The following LEKR1 variants were observed in gnomAD, a reference collection of about 807,000 sequenced individuals.
LEKR1 encodes protein LEKR1.
LEKR1 carries 59 observed loss-of-function variants against 72.4 expected under a neutral mutation model. The ratio of observed to expected loss-of-function variants is 0.82; its 90% CI spans 0.66 to 1.01. The LOEUF (loss-of-function observed/expected upper bound fraction) is 1.01. LEKR1 is among the 50% of genes least tolerant of loss of function. The pLI is 0.00. For synonymous variants in LEKR1, 257 were observed against 263.2 expected (o/e 0.98, Z 0.23); for missense variants, 728 against 759.2 (o/e 0.96, Z 0.48).
intron 2 of LEKR1, among the ~76,000 whole-genome samples, chr3:156,842,528 A>T (rs1028520426): frequency 2.6e-5 from 4 of 152,088 alleles, no homozygotes; most frequent in African/African-American, 9.7e-5. Flanking sequence ...TATTTTTGCT[A>T]TGTGATATGG....
chr3:156,827,925 G>A (rs1025561811), intron 1 of LEKR1, among the ~76,000 whole-genome samples: 33 of 152,168 alleles, frequency 2.2e-4, no homozygotes, highest in African/African-American at 7.2e-4. Context: ...CAATAGAGTT[G>A]AAGTTACTAT....
chr3:156,887,236 G>A (rs1208225717), intron 3 of LEKR1, among the ~76,000 whole-genome samples: 2 of 151,090 alleles, frequency 1.3e-5, no homozygotes, highest in African/African-American at 2.4e-5. Flanking sequence ...TGAGTTTCTG[G>A]TGTAACAGTT....
intron 5 of LEKR1, among the ~76,000 whole-genome samples, chr3:156,930,392 G>A (rs997808479): frequency 5.3e-5 from 8 of 151,808 alleles, no homozygotes; most frequent in Admixed American, 1.3e-4. Context: ...TTATTATTTT[G>A]TGGGGCTTAT....
chr3:156,832,473 G>A (rs949717309), intron 2 of LEKR1, among the ~76,000 whole-genome samples: 1 of 152,186 alleles, frequency 6.6e-6, no homozygotes, highest in African/African-American at 2.4e-5. Context: ...ATAAGTTCCA[G>A]TCCCATTATA....
chr3:157,030,460 GA>G (rs1734519765), intron 12 of LEKR1, among the ~76,000 whole-genome samples: 2 of 152,056 alleles, frequency 1.3e-5, no homozygotes, highest in Non-Finnish European at 2.9e-5. Context: ...AGAATTTAAA[GA>G]AAACTTTGCA....
chr3:156,913,641 A>G (rs1407574804), intron 3 of LEKR1, among the ~76,000 whole-genome samples: 2 of 152,180 alleles, frequency 1.3e-5, no homozygotes, highest in African/African-American at 4.8e-5. Flanking sequence ...AAAATAAAGA[A>G]ATTAAGTAAA....
chr3:156,851,730 T>C (rs1274521115), intron 2 of LEKR1, among the ~76,000 whole-genome samples: 2 of 152,106 alleles, frequency 1.3e-5, no homozygotes, highest in Admixed American at 1.3e-4. Context: ...TAGGCAGATA[T>C]GGTGGCATTA....
intron 3 of LEKR1, among the ~76,000 whole-genome samples, chr3:156,870,346 C>T (rs570590879): frequency 2.4e-4 from 37 of 152,040 alleles, no homozygotes; most frequent in Middle Eastern, 3.4e-3. Context: ...CATACAATGT[C>T]TTTTCATTTC....
chr3:156,965,013 T>C (rs146615745), intron 6 of LEKR1, among the ~76,000 whole-genome samples: 142 of 152,300 alleles, frequency 9.3e-4, no homozygotes, highest in African/African-American at 3.3e-3. Context: ...CCGTATCCAT[T>C]TTCTGGTTTT....
In LEKR1 at chr3:156,993,130, A is replaced by G; in HGVS notation, c.962A>G (p.Tyr321Cys). The G allele has an allele frequency of 6.2e-7, 1 of 1,612,530 alleles. No individual in the cohort carries two copies. Among genetic ancestry groups the G allele is most frequent in the Non-Finnish European group, 8.5e-7 (1 of 1,179,180 alleles). The change falls in exon 9 of 13, where the codon TAT becomes TGT. Residue 321 changes from tyrosine (Y) to cysteine (C), a missense_variant. Coordinates refer to ENST00000356539, the MANE Select transcript of LEKR1 (RefSeq NM_001004316.3). ...TCTTTAATGACTTGTCAACAGATAT[A>G]TAAAGCATTACAGGAAGAGCTGACT... ...EDSLMTCQQI[Y>C]KALQEELTVK...
intron 6 of LEKR1, chr3:156,977,527 T>C: frequency 2.7e-6 from 1 of 370,790 alleles, no homozygotes; most frequent in South Asian, 2.6e-5. Context: ...GGAAGAGACC[T>C]TTACTGATGG....
chr3:157,041,647 C>T (rs1354789129), intron 12 of LEKR1, among the ~76,000 whole-genome samples: 2 of 152,182 alleles, frequency 1.3e-5, no homozygotes, highest in African/African-American at 4.8e-5. Flanking sequence ...CCCTTCTTCA[C>T]CTGGCTCATG....
chr3:156,899,777 CAT>C (rs1560065110), intron 3 of LEKR1, among the ~76,000 whole-genome samples: 2 of 89,214 alleles, frequency 2.2e-5, no homozygotes, highest in Non-Finnish European at 5.1e-5. Flanking sequence ...CATATATACA[CAT>C]ATATACACAT....
At chr3:156,891,035 T>C (rs1420590442) in intron 3 of LEKR1, among the ~76,000 whole-genome samples, 1 of 150,992 alleles carries the variant, frequency 6.6e-6, no homozygotes, top group African/African-American at 2.4e-5. Flanking sequence ...AATTTTTTTT[T>C]TTTTTTTGTA....
chr3:157,023,436 T>C (rs1314311265), intron 10 of LEKR1, among the ~76,000 whole-genome samples: 1 of 152,190 alleles, frequency 6.6e-6, no homozygotes, highest in Non-Finnish European at 1.5e-5. Flanking sequence ...AAAATGGAAA[T>C]GCCTTCTGGG....
intron 4 of LEKR1, among the ~76,000 whole-genome samples, chr3:156,923,151 A>C (rs1327407977): frequency 6.6e-6 from 1 of 152,162 alleles, no homozygotes; most frequent in Admixed American, 6.6e-5. Flanking sequence ...AAACATCCTC[A>C]TTGAGATATA....
At chr3:157,041,115 C>A (rs1341178532) in intron 12 of LEKR1, among the ~76,000 whole-genome samples, 1 of 151,938 alleles carries the variant, frequency 6.6e-6, no homozygotes, top group Non-Finnish European at 1.5e-5. Flanking sequence ...AGGGGGAGGG[C>A]AATTAAGTCA....
At chr3:156,855,263 G>A in intron 3 of LEKR1, among the ~76,000 whole-genome samples, 1 of 152,074 alleles carries the variant, frequency 6.6e-6, no homozygotes, top group East Asian at 1.9e-4. Context: ...ACTTACATTT[G>A]GCCAATAGTT....
intron 6 of LEKR1, among the ~76,000 whole-genome samples, chr3:156,975,433 T>C (rs762972217): frequency 1.9e-4 from 29 of 152,226 alleles, no homozygotes; most frequent in Non-Finnish European, 3.8e-4. Context: ...TTGCGTTTCC[T>C]TTATCCAGTA....
Sources: allele counts gnomAD v4.1 joint callset (sites outside exome capture counted in the v4.1 genomes callset), GRCh38; gene constraint gnomAD v4.1.1; transcripts MANE v1.5; gene names NCBI Gene and HGNC (gene_info 2026-07-23, HGNC 2026-07-21).